FSD1L: variants seen among roughly 807,000 people sequenced by gnomAD.
The protein encoded by FSD1L is fibronectin type III and SPRY domain containing 1 like.
In FSD1L, 45 loss-of-function variants were observed where a neutral mutation model predicts 71.6. The observed-to-expected ratio is 0.63, with a 90% CI of 0.49 to 0.81. FSD1L has a LOEUF of 0.81. FSD1L is among the 30% of genes least tolerant of loss of function. The pLI is 0.00. For synonymous variants in FSD1L, 197 were observed against 207.2 expected (o/e 0.95, Z 0.42); for missense variants, 561 against 618.1 (o/e 0.91, Z 0.98).
At chr9:105,513,386 A>G (rs1834511661) in intron 10 of FSD1L, among the ~76,000 whole-genome samples, 1 of 152,166 alleles carries the variant, frequency 6.6e-6, no homozygotes, top group African/African-American at 2.4e-5. Context: ...TGTTACTGTC[A>G]TAACTAACTT....
intron 10 of FSD1L, chr9:105,522,071 G>A: frequency 5.0e-6 from 8 of 1,612,660 alleles, no homozygotes; most frequent in South Asian, 1.1e-5. Context: ...AGTTCCAAGG[G>A]AAAAAAAATA....
intron 12 of FSD1L, among the ~76,000 whole-genome samples, chr9:105,535,767 C>T (rs75513797): frequency 0.025 from 3,796 of 152,098 alleles, 179 homozygotes; most frequent in African/African-American, 0.087. Context: ...ACTGCGTAAA[C>T]ATACACACCT....
intron 2 of FSD1L, among the ~76,000 whole-genome samples, chr9:105,463,504 AT>A (rs1830856408): frequency 6.6e-6 from 1 of 152,216 alleles, no homozygotes; most frequent in Admixed American, 6.5e-5. Context: ...GAAAAATTAA[AT>A]TTAGTTCCTC....
chr9:105,503,901 G>C (rs1176995292), intron 7 of FSD1L, among the ~76,000 whole-genome samples: 5 of 151,900 alleles, frequency 3.3e-5, no homozygotes, highest in African/African-American at 9.7e-5. Context: ...TTTAACCTCA[G>C]TTTCCATTTT....
At chr9:105,471,706 TA>T (rs537477527) in intron 4 of FSD1L, among the ~76,000 whole-genome samples, 197 bp from the exon 5 acceptor site, 1,775 of 134,828 alleles carry the variant, frequency 0.013, 39 homozygotes, top group African/African-American at 0.049. Flanking sequence ...TATATATATA[TA>T]AAAAAAATAA....
Position 105,479,381 on chromosome 9 carries a change from G to C in FSD1L, c.464+5G>C, listed in dbSNP as rs1234781586. ...TGCCAGACAGATCAAGGATAGGTAT[G>C]GTATAAAACACATTTTTACTTAAGT... On this transcript the variant is annotated splice_donor_5th_base_variant and intron_variant, in intron 6 of 13. Transcript: ENST00000481272. 1 of 1,545,028 alleles carries C rather than the reference G, an allele frequency of 6.5e-7. No individual in the cohort carries two copies. Among genetic ancestry groups the C allele is most frequent in the Non-Finnish European group, 8.7e-7 (1 of 1,143,010 alleles).
At position 105,459,793 on chromosome 9, in the gene FSD1L, G is replaced by A. The variant is rs201346144; in HGVS notation, c.16-1727G>A. ...GGGGTTCCAGAGTCCTCTACAGCTG[G>A]CTTGTCCATTCTGATAGCATCTCAG... On this transcript the variant is annotated intron_variant, in intron 1 of 13. Coordinates refer to ENST00000481272, the MANE Select transcript of FSD1L (RefSeq NM_001145313.3). Among the ~76,000 whole-genome samples the A allele has an allele frequency of 1.2e-4, 18 of 152,276 alleles. No homozygotes were observed. The East Asian group carries it at 3.1e-3, about 26-fold the overall frequency.
chr9:105,522,104 A>G (rs749681279), intron 10 of FSD1L: 16 of 1,613,620 alleles, frequency 9.9e-6, no homozygotes, highest in Non-Finnish European at 1.3e-5. Context: ...GTCGACTTGC[A>G]GGACCACTTT....
intron 7 of FSD1L, among the ~76,000 whole-genome samples, chr9:105,502,292 A>G (rs1288971379): frequency 6.6e-6 from 1 of 152,172 alleles, no homozygotes; most frequent in Non-Finnish European, 1.5e-5. Context: ...AATGATAGCT[A>G]TTGTTGTTAC....
intron 7 of FSD1L, among the ~76,000 whole-genome samples, chr9:105,494,295 G>A (rs1305985183): frequency 6.6e-6 from 1 of 151,994 alleles, no homozygotes; most frequent in Admixed American, 6.5e-5. Context: ...GATTGCATCG[G>A]CTCCTGAGGC....
intron 7 of FSD1L, among the ~76,000 whole-genome samples, chr9:105,504,441 CCTTT>C (rs1190791470): frequency 3.0e-4 from 45 of 152,238 alleles, no homozygotes; most frequent in African/African-American, 1.0e-3. Flanking sequence ...AATGGATCAT[CCTTT>C]CTAAGTCAAA....
At chr9:105,525,643 T>C (rs1288076915) in intron 10 of FSD1L, 10 of 1,612,018 alleles carry the variant, frequency 6.2e-6, no homozygotes, top group Non-Finnish European at 8.5e-6. Flanking sequence ...ACTTAGGAAC[T>C]TGGATTCAAG....
At chr9:105,522,561 A>G (rs1835245004) in intron 10 of FSD1L, 4 of 1,613,660 alleles carry the variant, frequency 2.5e-6, no homozygotes, top group East Asian at 4.5e-5. Flanking sequence ...AACTAGAGTC[A>G]GACATTTTTC....
upstream of FSD1L, among the ~76,000 whole-genome samples, chr9:105,447,018 CTAAGAA>C (rs1829671931): frequency 6.6e-6 from 1 of 152,060 alleles, no homozygotes; most frequent in African/African-American, 2.4e-5. Flanking sequence ...TAACTCCCCA[CTAAGAA>C]TGACTATAAT....
chr9:105,448,211 GC>G lies in FSD1L; in HGVS notation c.-8del. The G allele has an allele frequency of 6.5e-7, 1 of 1,532,718 alleles. No individual in the cohort carries two copies. Among genetic ancestry groups the G allele is most frequent in the Non-Finnish European group, 8.8e-7 (1 of 1,137,600 alleles). The allele number at this position is 1,532,718 out of a possible 1,614,324, so 94.9% of individuals were successfully genotyped here. On this transcript the variant is annotated 5_prime_UTR_variant, in exon 1 of 14. Coordinates refer to ENST00000481272, the MANE Select transcript of FSD1L (RefSeq NM_001145313.3). Reference sequence around the variant, plus strand: ...CTCGGGTTCGAGCCCAGTGGGCTTAGCCACTCGCCATGGACTCCCAGAAAGT... The same window carrying G: ...CTCGGGTTCGAGCCCAGTGGGCTTAGCACTCGCCATGGACTCCCAGAAAGT...
chr9:105,454,661 A>G (rs571740911), intron 1 of FSD1L, among the ~76,000 whole-genome samples: 8 of 152,310 alleles, frequency 5.3e-5, no homozygotes, highest in Admixed American at 3.3e-4. Context: ...TAAAACAGCC[A>G]GTTCAAAGGC....
At chr9:105,443,788 G>C (rs1038255506), upstream of FSD1L, among the ~76,000 whole-genome samples, 9 of 152,182 alleles carry the variant, frequency 5.9e-5, no homozygotes, top group African/African-American at 1.9e-4. Flanking sequence ...ATCAGAATTA[G>C]GTTTCTATGG....
chr9:105,466,550 G>A (rs1203467058), intron 3 of FSD1L, among the ~76,000 whole-genome samples: 2 of 152,178 alleles, frequency 1.3e-5, no homozygotes, highest in African/African-American at 4.8e-5. Context: ...AGAATTAGCT[G>A]GTCGTGGTGG....
Position 105,534,665 on chromosome 9 carries a change from C to T in FSD1L, c.1126+72C>T, listed in dbSNP as rs1836148872. 5 of 819,350 alleles carry T rather than the reference C, an allele frequency of 6.1e-6. No individual in the cohort carries two copies. In the Admixed American group the frequency reaches 1.0e-4, roughly 17 times the overall value. 50.8% of individuals were successfully genotyped at this position (819,350 alleles called of 1,614,324 possible). A position where few individuals can be genotyped will look rare whatever the true frequency, so the allele number is the denominator to read the frequency against. ...CACAATCACACTGGTGGACTTTCCA[C>T]TCAAAGTGACTGCCTGTATATTGAA... On this transcript the variant is annotated intron_variant, in intron 11 of 13. Coordinates refer to ENST00000481272, the MANE Select transcript of FSD1L (RefSeq NM_001145313.3).
Sources: gnomAD v4.1 joint callset for allele counts (sites outside exome capture counted in the v4.1 genomes callset) on GRCh38, gnomAD v4.1.1 for gene constraint, MANE v1.5 for transcripts, NCBI Gene and HGNC (gene_info 2026-07-23, HGNC 2026-07-21) for gene names.